The following KLF12 variants were observed in gnomAD, a reference collection of about 807,000 sequenced individuals.
KLF12 encodes the protein Krueppel-like factor 12.
Under a neutral mutation model 37.8 loss-of-function variants are expected in KLF12, and 9 were observed. The ratio of observed to expected loss-of-function variants is 0.24; its 90% CI spans 0.14 to 0.42. KLF12 has a LOEUF of 0.42. Ranked by LOEUF, KLF12 falls within the 10% of genes least tolerant of loss-of-function variation. The pLI is 1.00. For missense variants in KLF12, 411 were observed against 516.0 expected, an observed-to-expected ratio of 0.80 and a Z score of 1.97; for synonymous variants, 208 against 202.1, an observed-to-expected ratio of 1.03 and a Z score of -0.25.
chr13:73,978,074 T>C (rs576555425), intron 2 of KLF12, among the ~76,000 whole-genome samples: 1 of 152,296 alleles, frequency 6.6e-6, no homozygotes, highest in South Asian at 2.1e-4. Flanking sequence ...ATGATTTTTT[T>C]AGACACAAAA....
At chr13:74,299,697 A>G in the KLF12 span, among the ~76,000 whole-genome samples, 1 of 152,196 alleles carries the variant, frequency 6.6e-6, no homozygotes, top group Non-Finnish European at 1.5e-5. Flanking sequence ...AACTTGCAGC[A>G]TGGGCATGCC....
chr13:74,219,032 G>T, the KLF12 span, among the ~76,000 whole-genome samples: 1 of 150,236 alleles, frequency 6.7e-6, no homozygotes, highest in Non-Finnish European at 1.5e-5. Context: ...GGTGACCTCA[G>T]CTCACTGCTC....
intron 1 of KLF12, among the ~76,000 whole-genome samples, chr13:74,095,806 T>C (rs962919606): frequency 6.6e-5 from 10 of 152,248 alleles, no homozygotes. Flanking sequence ...GGTTACTATT[T>C]TGAATACTGA....
intron 1 of KLF12, among the ~76,000 whole-genome samples, chr13:74,088,342 C>A (rs1447876152): frequency 6.6e-6 from 1 of 151,964 alleles, no homozygotes; most frequent in African/African-American, 2.4e-5. Flanking sequence ...ATTCTCCCAC[C>A]ACAGCCTCCC....
intron 1 of KLF12, among the ~76,000 whole-genome samples, chr13:74,069,625 G>A (rs1874110286): frequency 6.6e-6 from 1 of 152,122 alleles, no homozygotes; most frequent in Non-Finnish European, 1.5e-5. Context: ...ACAAAAGAGT[G>A]ACACAATCAG....
intron 1 of KLF12, among the ~76,000 whole-genome samples, chr13:74,009,255 T>C (rs189047636): frequency 6.6e-6 from 1 of 152,280 alleles, no homozygotes; most frequent in Admixed American, 6.5e-5. Context: ...TTTAAAGGAG[T>C]ATATTACTTA....
chr13:73,869,624 CATATCT>C (rs1195336639), intron 3 of KLF12, among the ~76,000 whole-genome samples: 2 of 151,678 alleles, frequency 1.3e-5, no homozygotes, highest in Admixed American at 6.6e-5. Flanking sequence ...TATCTATATC[CATATCT>C]ATAACAGTTA....
At chr13:74,275,775 TCTTTTTCTTTC>T in the KLF12 span, among the ~76,000 whole-genome samples, 1 of 133,748 alleles carries the variant, frequency 7.5e-6, no homozygotes, top group Non-Finnish European at 1.6e-5. Context: ...ATTATGCCTG[TCTTTTTCTTTC>T]TTTCTTTCTT....
chr13:74,294,958 C>T, the KLF12 span, among the ~76,000 whole-genome samples: 1 of 152,132 alleles, frequency 6.6e-6, no homozygotes, highest in African/African-American at 2.4e-5. Context: ...GATTAAAGGC[C>T]CCTGCTGGCT....
chr13:73,751,583 T>C (rs1878758312), intron 6 of KLF12, among the ~76,000 whole-genome samples: 1 of 152,018 alleles, frequency 6.6e-6, no homozygotes, highest in Non-Finnish European at 1.5e-5. Flanking sequence ...CAAATAAATG[T>C]GGGTTATGAC....
At chr13:74,266,237 C>T in the KLF12 span, among the ~76,000 whole-genome samples, 2 of 152,116 alleles carry the variant, frequency 1.3e-5, no homozygotes, top group Admixed American at 6.6e-5. Flanking sequence ...CAGTCAAGAC[C>T]TCTAATATCA....
chr13:73,974,535 T>C (rs74095933), intron 2 of KLF12, among the ~76,000 whole-genome samples: 4,276 of 152,214 alleles, frequency 0.028, 186 homozygotes, highest in African/African-American at 0.097. Flanking sequence ...AGTCAGGAAA[T>C]GCAGCATCCA....
the KLF12 span, among the ~76,000 whole-genome samples, chr13:74,228,558 A>G: frequency 6.6e-6 from 1 of 152,162 alleles, no homozygotes; most frequent in Non-Finnish European, 1.5e-5. Context: ...TCAAGGTCCC[A>G]CAGAAATCAG....
chr13:74,153,721 A>G, the KLF12 span, among the ~76,000 whole-genome samples: 149,566 of 152,262 alleles, frequency 0.98, 73,529 homozygotes, highest in Middle Eastern at 1. Flanking sequence ...GCAGTGTGGT[A>G]GGATTTACCC....
At chr13:73,814,206 C>T (rs1883092518) in intron 4 of KLF12, among the ~76,000 whole-genome samples, 1 of 152,196 alleles carries the variant, frequency 6.6e-6, no homozygotes, top group Non-Finnish European at 1.5e-5. Flanking sequence ...TACACACCCA[C>T]ACTGTTAAAT....
intron 6 of KLF12, among the ~76,000 whole-genome samples, chr13:73,753,876 A>G (rs970806989): frequency 2.0e-5 from 3 of 152,146 alleles, no homozygotes; most frequent in African/African-American, 7.2e-5. Context: ...TAAGATAGAC[A>G]AGGAACACTC....
chr13:73,827,625 C>T (rs1306616654), intron 4 of KLF12, among the ~76,000 whole-genome samples: 2 of 152,198 alleles, frequency 1.3e-5, no homozygotes. Flanking sequence ...TGCAATGGCG[C>T]AATCTTGGCT....
intron 3 of KLF12, among the ~76,000 whole-genome samples, chr13:73,879,815 C>T (rs1435897851): frequency 6.6e-6 from 1 of 152,176 alleles, no homozygotes; most frequent in Non-Finnish European, 1.5e-5. Flanking sequence ...TGCATATCCC[C>T]CTCCAGCTGC....
Position 73,695,666 on chromosome 13 carries a change from T to C in KLF12, c.1033A>G (p.Lys345Glu). 1.2e-6 allele frequency: 2 copies of C among 1,613,868 alleles called. No individual in the cohort carries two copies. Among genetic ancestry groups the C allele is most frequent in the Non-Finnish European group, 1.7e-6 (2 of 1,179,834 alleles). The change falls in exon 8 of 8, where the codon AAA (lysine) becomes GAA (glutamate). Residue 345 changes from lysine to glutamate, a missense_variant. Lys to Glu is a moderately conservative substitution (Grantham distance 56). This residue lies in a region of KLF12 where 60 missense variants were observed against 118.2 expected (regional missense o/e 0.51). Coordinates refer to ENST00000377669, the MANE Select transcript of KLF12 (RefSeq NM_007249.5). ...CCTTCCCAGGTACACTTGTAAGGTTTCTCTCCTGGAAGAAACAAAGGAACA... is the reference window on the plus strand; with the variant it reads ...CCTTCCCAGGTACACTTGTAAGGTTCCTCTCCTGGAAGAAACAAAGGAACA...
Sources: allele counts gnomAD v4.1 joint callset (sites outside exome capture counted in the v4.1 genomes callset), GRCh38; gene constraint gnomAD v4.1.1; regional missense constraint gnomAD v4.1.1; transcripts MANE v1.5; gene names NCBI Gene and HGNC (gene_info 2026-07-23, HGNC 2026-07-21).